CACNA2D1: variants seen among roughly 807,000 people sequenced by gnomAD.
CACNA2D1 encodes voltage-dependent calcium channel subunit alpha-2/delta-1.
A neutral mutation model predicts 171.5 loss-of-function variants in CACNA2D1; 53 were observed. The observed-to-expected ratio is 0.31, with a 90% CI of 0.25 to 0.39. The LOEUF is 0.39. Ranked by LOEUF, CACNA2D1 falls within the 10% of genes least tolerant of loss-of-function variation. The pLI, the probability that CACNA2D1 is intolerant of heterozygous loss-of-function variation, is 1.00. For synonymous variants in CACNA2D1, 442 were observed against 443.1 expected (o/e 1.00, Z 0.03); for missense variants, 903 against 1,299.8 (o/e 0.69, Z 4.69).
chr7:81,950,007 TAGTAA>T lies in CACNA2D1; in HGVS notation c.*380_*384del, dbSNP rs1792339530. On this transcript the variant is annotated 3_prime_UTR_variant, in exon 39 of 39. Coordinates refer to ENST00000356860, the MANE Select transcript of CACNA2D1 (RefSeq NM_000722.4). ...ATTTCTTTCCCCTTAGAGATTTTCT[TAGTAA>T]AATTGCAGCAAGTCAAAATTCCAGG... 1 of 179,956 alleles carries T rather than the reference TAGTAA, an allele frequency of 5.6e-6. No homozygotes were observed. The highest frequency in any genetic ancestry group is 2.4e-5 in the African/African-American group (1 of 42,306). The allele number at this position is 179,956 out of a possible 1,614,324, so 11.1% of individuals were successfully genotyped here. A position where few individuals can be genotyped will look rare whatever the true frequency, so the allele number is the denominator to read the frequency against.
intron 3 of CACNA2D1, among the ~76,000 whole-genome samples, chr7:82,275,694 A>AC (rs1338925151): frequency 6.6e-6 from 1 of 152,180 alleles, no homozygotes; most frequent in Non-Finnish European, 1.5e-5. Flanking sequence ...GGCAATACGC[A>AC]CAGGAAGGCA....
intron 7 of CACNA2D1, among the ~76,000 whole-genome samples, chr7:82,075,383 T>A (rs961050493): frequency 6.6e-6 from 1 of 152,098 alleles, no homozygotes; most frequent in African/African-American, 2.4e-5. Flanking sequence ...ATAAAGTAAA[T>A]GGTACACAAA....
chr7:82,086,382 T>C (rs1810488148), intron 6 of CACNA2D1, among the ~76,000 whole-genome samples: 1 of 152,176 alleles, frequency 6.6e-6, no homozygotes, highest in Non-Finnish European at 1.5e-5. Flanking sequence ...AAGATTTTCA[T>C]CTTTATGGAT....
At chr7:82,174,336 A>C (rs968863410) in intron 3 of CACNA2D1, among the ~76,000 whole-genome samples, 2 of 152,126 alleles carry the variant, frequency 1.3e-5, no homozygotes, top group Non-Finnish European at 2.9e-5. Context: ...TACGATATTC[A>C]GCAAGGTTTA....
chr7:82,429,373 A>C (rs1468335769), intron 1 of CACNA2D1, among the ~76,000 whole-genome samples: 2 of 152,130 alleles, frequency 1.3e-5, no homozygotes, highest in African/African-American at 4.8e-5. Flanking sequence ...ATTAGGGTAG[A>C]TATATAGAGG....
chr7:82,300,061 G>A (rs1458538490), intron 3 of CACNA2D1, among the ~76,000 whole-genome samples: 1 of 152,124 alleles, frequency 6.6e-6, no homozygotes, highest in Non-Finnish European at 1.5e-5. Flanking sequence ...GATAATACAG[G>A]TAGGTGTCTC....
At chr7:82,122,325 A>G (rs1789836827) in intron 5 of CACNA2D1, among the ~76,000 whole-genome samples, 1 of 152,222 alleles carries the variant, frequency 6.6e-6, no homozygotes, top group Non-Finnish European at 1.5e-5. Flanking sequence ...AAATAAGATT[A>G]AAGTCGCTGA....
chr7:82,001,154 A>G (rs1309221549), intron 18 of CACNA2D1, among the ~76,000 whole-genome samples: 1 of 152,126 alleles, frequency 6.6e-6, no homozygotes, highest in African/African-American at 2.4e-5. Context: ...ACCAGGTAAT[A>G]AAAATTCACT....
intron 6 of CACNA2D1, among the ~76,000 whole-genome samples, chr7:82,092,585 G>A (rs555324573): frequency 7.3e-6 from 1 of 137,348 alleles, no homozygotes; most frequent in Non-Finnish European, 1.5e-5. Context: ...GTAGAGACAG[G>A]GTTTTCACCA....
chr7:82,325,241 C>T (rs1816501243), intron 3 of CACNA2D1, among the ~76,000 whole-genome samples: 1 of 152,158 alleles, frequency 6.6e-6, no homozygotes, highest in African/African-American at 2.4e-5. Context: ...CTCAGTCTAG[C>T]CTGTGGAGAT....
chr7:82,062,711 T>C (rs574516037), intron 9 of CACNA2D1, among the ~76,000 whole-genome samples: 2 of 150,346 alleles, frequency 1.3e-5, no homozygotes, highest in Non-Finnish European at 3.0e-5. Flanking sequence ...AACTTGTCAT[T>C]TACATTAGGT....
Position 82,200,582 on chromosome 7 carries a change from T to C in CACNA2D1, c.295-29973A>G, listed in dbSNP as rs1014729928. On this transcript the variant is annotated intron_variant, in intron 3 of 38. Coordinates refer to ENST00000356860, the MANE Select transcript of CACNA2D1 (RefSeq NM_000722.4). ...TTTTTGAATTTATACCATGGTACTC[T>C]TTTTTTGTGTTTTCTGTTCATTTAT... Among the ~76,000 whole-genome samples the C allele has an allele frequency of 5.3e-5, 8 of 152,296 alleles. No individual in the cohort carries two copies. In the South Asian group the frequency reaches 1.4e-3, roughly 28 times the overall value.
intron 3 of CACNA2D1, among the ~76,000 whole-genome samples, chr7:82,178,224 T>A (rs181772453): frequency 6.6e-6 from 1 of 152,154 alleles, no homozygotes; most frequent in Non-Finnish European, 1.5e-5. Flanking sequence ...GCCATATTCA[T>A]GAAATACTTC....
intron 12 of CACNA2D1, among the ~76,000 whole-genome samples, chr7:82,026,334 CTTAT>C (rs1801906597): frequency 6.6e-6 from 1 of 151,126 alleles, no homozygotes; most frequent in South Asian, 2.1e-4. Flanking sequence ...TATTTTCTGT[CTTAT>C]TTTTCTTTTG....
intron 24 of CACNA2D1, among the ~76,000 whole-genome samples, chr7:81,977,852 G>C (rs895634010): frequency 6.6e-6 from 1 of 151,774 alleles, no homozygotes; most frequent in Non-Finnish European, 1.5e-5. Flanking sequence ...CTGACAAAAG[G>C]CTAATATCCA....
In CACNA2D1 at chr7:81,955,759, A is replaced by T. The variant is rs563133128; in HGVS notation, c.3159+3516T>A. 2.6e-5 allele frequency among the ~76,000 whole-genome samples: 4 copies of T among 151,810 alleles called. No homozygotes were observed. In the South Asian group the frequency reaches 8.3e-4, roughly 32 times the overall value. ...TCAATAATTGTCCATTGAGAAATTTATTATTTTATGCAAACACAATTTATA... is the reference window on the plus strand; with the variant it reads ...TCAATAATTGTCCATTGAGAAATTTTTTATTTTATGCAAACACAATTTATA... On this transcript the variant is annotated intron_variant, in intron 38 of 38. Transcript: ENST00000356860.
At chr7:82,187,512 T>A (rs1178375111) in intron 3 of CACNA2D1, among the ~76,000 whole-genome samples, 1 of 151,766 alleles carries the variant, frequency 6.6e-6, no homozygotes, top group African/African-American at 2.4e-5. Context: ...AATTACAAGA[T>A]CACAGAAGGT....
In CACNA2D1 at chr7:82,125,698, G is replaced by T. The variant is rs146443589; in HGVS notation, c.397-8525C>A. On this transcript the variant is annotated intron_variant, in intron 5 of 38. Transcript: ENST00000356860. ...TTGAGGCCAGTCTGAACAACATAGT[G>T]AGACCCTGTCTCTAAAATTAAAAAA... Among the ~76,000 whole-genome samples the T allele has an allele frequency of 2.1e-3, 322 of 152,220 alleles. 4 individuals carry two copies. In the South Asian group the frequency reaches 0.028, roughly 13 times the overall value.
At chr7:81,966,533 A>G (rs1479118387) in intron 31 of CACNA2D1, among the ~76,000 whole-genome samples, 1 of 151,424 alleles carries the variant, frequency 6.6e-6, no homozygotes, top group African/African-American at 2.4e-5. Context: ...AGACACACAA[A>G]AGAGGACTGG....
Sources: gnomAD v4.1 joint callset for allele counts (sites outside exome capture counted in the v4.1 genomes callset) on GRCh38, gnomAD v4.1.1 for gene constraint, MANE v1.5 for transcripts, NCBI Gene and HGNC (gene_info 2026-07-23, HGNC 2026-07-21) for gene names.